LRRIQ3: variants seen among roughly 807,000 people sequenced by gnomAD.
LRRIQ3 encodes the protein leucine rich repeats and IQ motif containing 3, also known as leucine-rich repeat and IQ domain-containing protein 3.
LRRIQ3 carries 75 observed loss-of-function variants against 59.3 expected under a neutral mutation model. That is an observed-to-expected ratio of 1.26 (90% CI 1.05 to 1.53). The LOEUF is 1.53. Ranked by LOEUF, LRRIQ3 falls within the 40% of genes most tolerant of loss-of-function variation. The probability of loss-of-function intolerance (pLI) is 0.00; values close to 1 mark genes in which losing one functional copy is unlikely to be tolerated. For missense variants in LRRIQ3, 831 were observed against 710.0 expected, an observed-to-expected ratio of 1.17 and a Z score of -1.94; for synonymous variants, 250 against 231.3, an observed-to-expected ratio of 1.08 and a Z score of -0.73.
At chr1:74,060,747 A>T (rs929918613) in intron 6 of LRRIQ3, among the ~76,000 whole-genome samples, 22 of 152,036 alleles carry the variant, frequency 1.4e-4, no homozygotes, top group African/African-American at 5.3e-4. Context: ...AACATCTGCC[A>T]CCAAGGGACC....
chr1:74,060,850 C>A (rs1189028963), intron 6 of LRRIQ3, among the ~76,000 whole-genome samples: 1 of 152,078 alleles, frequency 6.6e-6, no homozygotes, highest in African/African-American at 2.4e-5. Flanking sequence ...GTTGAAGGGG[C>A]AGGAATCTGG....
chr1:74,125,517 G>A (rs1047268940), intron 4 of LRRIQ3, among the ~76,000 whole-genome samples: 1 of 151,600 alleles, frequency 6.6e-6, no homozygotes, highest in African/African-American at 2.4e-5. Context: ...TTTTGTTGAG[G>A]TATGTTCATT....
chr1:74,131,996 A>C (rs1279287132), intron 4 of LRRIQ3, among the ~76,000 whole-genome samples: 1 of 152,170 alleles, frequency 6.6e-6, no homozygotes, highest in African/African-American at 2.4e-5. Flanking sequence ...TCAGCACAAA[A>C]TCTCCTTAAG....
chr1:74,155,290 T>A (rs562430790), intron 4 of LRRIQ3, among the ~76,000 whole-genome samples: 31 of 152,334 alleles, frequency 2.0e-4, no homozygotes, highest in Non-Finnish European at 3.4e-4. Flanking sequence ...AGCAAAAAGG[T>A]TTCCATTTAT....
intron 4 of LRRIQ3, among the ~76,000 whole-genome samples, chr1:74,128,932 C>A (rs1031153541): frequency 1.3e-5 from 2 of 152,024 alleles, no homozygotes; most frequent in African/African-American, 4.8e-5. Context: ...AGCAAAAACG[C>A]TTGTTCTCTT....
At chr1:74,160,252 T>TG (rs1648582791) in intron 3 of LRRIQ3, among the ~76,000 whole-genome samples, 1 of 152,116 alleles carries the variant, frequency 6.6e-6, no homozygotes, top group African/African-American at 2.4e-5. Context: ...TGTTGTCACT[T>TG]GCATGTGCCA....
chr1:74,121,975 G>C (rs1646864720), intron 4 of LRRIQ3, among the ~76,000 whole-genome samples: 1 of 151,896 alleles, frequency 6.6e-6, no homozygotes, highest in Non-Finnish European at 1.5e-5. Context: ...TCTTAATCCA[G>C]TCTATCATTG....
At chr1:74,195,261 G>A (rs1293448775) in intron 1 of LRRIQ3, among the ~76,000 whole-genome samples, 3 of 152,174 alleles carry the variant, frequency 2.0e-5, no homozygotes, top group African/African-American at 7.2e-5. Context: ...GTTAAACAGA[G>A]CCATGAAGCA....
chr1:74,085,108 A>G lies in LRRIQ3; in HGVS notation c.868-10318T>C, dbSNP rs137931712. On this transcript the variant is annotated intron_variant, in intron 5 of 7. Coordinates refer to ENST00000354431, the MANE Select transcript of LRRIQ3 (RefSeq NM_001105659.2). The stretch of plus-strand genomic sequence containing the variant: ...ACCCACATACAAATATCACAATGAT[A>G]AGCAGATTCTGTCAGCTATTATTTT... Among the ~76,000 whole-genome samples the G allele has an allele frequency of 4.6e-5, 7 of 152,022 alleles. No individual in the cohort carries two copies. In the East Asian group the frequency reaches 1.3e-3, roughly 29 times the overall value.
chr1:74,041,666 T>C lies in LRRIQ3; in HGVS notation c.1265A>G (p.Asp422Gly). 6.2e-7 allele frequency: 1 copy of C among 1,613,758 alleles called. No homozygotes were observed. The highest frequency in any genetic ancestry group is 8.5e-7 in the Non-Finnish European group (1 of 1,179,830). Reference protein sequence around the residue: ...RAGMKLRTFSDIDKYYTEQKK... With the variant: ...RAGMKLRTFSGIDKYYTEQKK... ...TTGTTCTGTGTAATATTTGTCAATA[T>C]CACTAAATGTTCGGAGTTTCATACC... The change falls in exon 7 of 8, where the codon GAT becomes GGT. Residue 422 changes from aspartate (D) to glycine (G), a missense_variant. Transcript: ENST00000354431.
chr1:74,140,682 T>A (rs1647220899), intron 4 of LRRIQ3, among the ~76,000 whole-genome samples: 2 of 151,964 alleles, frequency 1.3e-5, no homozygotes, highest in African/African-American at 4.8e-5. Context: ...GTCAAAGGAC[T>A]GAAATCATAT....
intron 3 of LRRIQ3, among the ~76,000 whole-genome samples, chr1:74,175,029 T>C (rs908877306): frequency 6.6e-6 from 1 of 152,200 alleles, no homozygotes; most frequent in African/African-American, 2.4e-5. Flanking sequence ...AAAACAATCT[T>C]CTCATCTTCA....
chr1:74,136,109 T>A (rs944487943), intron 4 of LRRIQ3, among the ~76,000 whole-genome samples: 1 of 151,898 alleles, frequency 6.6e-6, no homozygotes, highest in Non-Finnish European at 1.5e-5. Context: ...AATAGTATTA[T>A]GCCAACAAAT....
At chr1:74,114,043 A>G (rs191297092) in intron 4 of LRRIQ3, among the ~76,000 whole-genome samples, 6 of 151,768 alleles carry the variant, frequency 4.0e-5, no homozygotes, top group Non-Finnish European at 1.5e-5. Context: ...ATACACATAT[A>G]TATAATTGTA....
intron 7 of LRRIQ3, among the ~76,000 whole-genome samples, chr1:74,031,781 G>A (rs965013471): frequency 6.6e-6 from 1 of 151,682 alleles, no homozygotes; most frequent in Non-Finnish European, 1.5e-5. Flanking sequence ...ATTTAAAAAA[G>A]TCTTAGAGAA....
chr1:74,102,775 G>T (rs1203914948), intron 5 of LRRIQ3, among the ~76,000 whole-genome samples: 1 of 151,826 alleles, frequency 6.6e-6, no homozygotes, highest in Non-Finnish European at 1.5e-5. Flanking sequence ...TATTGACTTT[G>T]GCAATTCACA....
At chr1:74,176,972 G>A (rs1345274084) in intron 3 of LRRIQ3, among the ~76,000 whole-genome samples, 2 of 152,260 alleles carry the variant, frequency 1.3e-5, no homozygotes, top group South Asian at 2.1e-4. Context: ...CTGCATGGGC[G>A]AATGTGAGAC....
chr1:74,080,297 A>G (rs903260909), intron 5 of LRRIQ3, among the ~76,000 whole-genome samples: 2 of 151,720 alleles, frequency 1.3e-5, no homozygotes, highest in Non-Finnish European at 3.0e-5. Flanking sequence ...TCATCTAATC[A>G]TAATAAGAAT....
rs528454099 is a variant in LRRIQ3, at chr1:74,116,428, G to T, written c.708-6875C>A. Among the ~76,000 whole-genome samples, 337 of 151,932 alleles carry T rather than the reference G, an allele frequency of 2.2e-3. 2 individuals carry two copies. The highest frequency in any genetic ancestry group is 3.9e-3 in the Non-Finnish European group (264 of 67,908). The stretch of plus-strand genomic sequence containing the variant: ...CAACATACAGGCAATCAGATATAAG[G>T]CTCACCCCCACTGAACCTGTCAAAG... On this transcript the variant is annotated intron_variant, in intron 4 of 7. Coordinates refer to ENST00000354431, the MANE Select transcript of LRRIQ3 (RefSeq NM_001105659.2).
Sources: allele counts gnomAD v4.1 joint callset (sites outside exome capture counted in the v4.1 genomes callset), GRCh38; gene constraint gnomAD v4.1.1; transcripts MANE v1.5; gene names NCBI Gene and HGNC (gene_info 2026-07-23, HGNC 2026-07-21).